Variants in CTNNA3 observed in about 807,000 individuals in gnomAD.
CTNNA3 encodes catenin alpha-3.
In CTNNA3, 76 loss-of-function variants were observed where a neutral mutation model predicts 95.7. The ratio of observed to expected loss-of-function variants is 0.79; its 90% confidence interval spans 0.66 to 0.96. CTNNA3 has a LOEUF of 0.96. Among genes scored for constraint, CTNNA3 ranks in the 40% least tolerant of loss-of-function variants. CTNNA3 has a pLI of 0.00. For missense variants in CTNNA3, 1,191 were observed against 1,089.8 expected (o/e 1.09, Z -1.31); for synonymous variants, 431 against 374.4 (o/e 1.15, Z -1.74).
At chr10:66,520,020 C>T (rs953941658) in intron 11 of CTNNA3, among the ~76,000 whole-genome samples, 3 of 151,766 alleles carry the variant, frequency 2.0e-5, no homozygotes, top group Non-Finnish European at 2.9e-5. Context: ...ACCTAAGATT[C>T]TAGGTATTAT....
chr10:67,222,645 GATAA>G (rs1295515061), intron 5 of CTNNA3, among the ~76,000 whole-genome samples: 2 of 152,116 alleles, frequency 1.3e-5, no homozygotes, highest in East Asian at 1.9e-4. Context: ...TAACTTAGAG[GATAA>G]ATAGTTTAAT....
chr10:67,331,568 TGACCTA>T (rs1841796487), intron 5 of CTNNA3, among the ~76,000 whole-genome samples: 1 of 152,168 alleles, frequency 6.6e-6, no homozygotes, highest in African/African-American at 2.4e-5. Flanking sequence ...TTTGGAACAG[TGACCTA>T]GAAGGCAGTT....
At chr10:66,155,786 G>A (rs184659351) in intron 13 of CTNNA3, among the ~76,000 whole-genome samples, 62 of 151,934 alleles carry the variant, frequency 4.1e-4, no homozygotes, top group Non-Finnish European at 8.8e-5. Context: ...CATATTCTTA[G>A]GGCAAATAAA....
chr10:66,051,466 T>A (rs949160326), intron 15 of CTNNA3, among the ~76,000 whole-genome samples: 1 of 152,194 alleles, frequency 6.6e-6, no homozygotes, highest in Non-Finnish European at 1.5e-5. Flanking sequence ...AATTTTAGTA[T>A]CTGCTTAAAC....
chr10:66,279,476 T>C (rs1161030899), intron 13 of CTNNA3, among the ~76,000 whole-genome samples: 1 of 152,110 alleles, frequency 6.6e-6, no homozygotes, highest in Non-Finnish European at 1.5e-5. Context: ...TGATTGGCCC[T>C]GAACATGAGG....
chr10:66,362,135 G>C (rs535791360), intron 12 of CTNNA3, among the ~76,000 whole-genome samples: 2 of 117,192 alleles, frequency 1.7e-5, no homozygotes, highest in African/African-American at 6.7e-5. Flanking sequence ...ACGGAGTCTT[G>C]CTCTGTCACC....
Position 67,488,672 on chromosome 10 carries a change from C to CTTT in CTNNA3, c.579+33167_579+33169dup, listed in dbSNP as rs565227051. On this transcript the variant is annotated intron_variant, in intron 5 of 17. Transcript: ENST00000433211. ...AGGTGTGAGCCAAAGTGCCCGGCCT[C>CTTT]TTTTTTTTTTTTTTTTGAGACAAAG... Among the ~76,000 whole-genome samples, 83 of 130,764 alleles carry CTTT rather than the reference C, an allele frequency of 6.3e-4. 2 individuals carry two copies. Among genetic ancestry groups the CTTT allele is most frequent in the African/African-American group, 2.1e-3 (70 of 33,012 alleles). The allele number at this position is 130,764 out of a possible 152,430, so 85.8% of individuals were successfully genotyped here. A position where few individuals can be genotyped will look rare whatever the true frequency, so the allele number is the denominator to read the frequency against.
chr10:66,128,531 G>GA (rs915451886), intron 13 of CTNNA3, among the ~76,000 whole-genome samples: 15 of 149,782 alleles, frequency 1.0e-4, no homozygotes, highest in South Asian at 2.1e-4. Context: ...ATTACCAAGT[G>GA]AAAAAAAAAG....
intron 15 of CTNNA3, among the ~76,000 whole-genome samples, chr10:66,016,307 GC>G (rs1430226114): frequency 1.3e-5 from 2 of 152,186 alleles, no homozygotes; most frequent in African/African-American, 2.4e-5. Flanking sequence ...CAGACTGGGA[GC>G]AAAACCCTTT....
chr10:66,729,508 G>A (rs1195394100), intron 9 of CTNNA3, among the ~76,000 whole-genome samples: 6 of 152,196 alleles, frequency 3.9e-5, no homozygotes, highest in African/African-American at 1.4e-4. Context: ...GGATGGAATT[G>A]GAGATCATTA....
intron 14 of CTNNA3, among the ~76,000 whole-genome samples, chr10:66,102,086 A>G (rs987170317): frequency 1.3e-5 from 2 of 152,158 alleles, no homozygotes; most frequent in Non-Finnish European, 2.9e-5. Context: ...GTCTACAAAA[A>G]CAGAGTATGC....
rs192084744 is a variant in CTNNA3 at position 66,991,407 on chromosome 10, A to G, written c.1047+188910T>C. On this transcript the variant is annotated intron_variant, in intron 7 of 17. Transcript: ENST00000433211. ...ACATAAATAGCCTACTCAGAAAATT[A>G]TATCAACACTAAATCACAGGTAACA... Among the ~76,000 whole-genome samples the G allele has an allele frequency of 3.7e-4, 57 of 152,332 alleles. No homozygotes were observed. In the East Asian group the frequency reaches 9.3e-3, roughly 25 times the overall value.
intron 9 of CTNNA3, among the ~76,000 whole-genome samples, chr10:66,662,285 T>G (rs1377067848): frequency 6.6e-6 from 1 of 152,168 alleles, no homozygotes; most frequent in East Asian, 1.9e-4. Context: ...CATACATTCT[T>G]GCAATGACAA....
intron 11 of CTNNA3, among the ~76,000 whole-genome samples, chr10:66,420,963 A>T (rs2093188506): frequency 6.6e-6 from 1 of 152,132 alleles, no homozygotes; most frequent in South Asian, 2.1e-4. Context: ...TCCTGCACTC[A>T]CATGTTTGTT....
chr10:67,248,868 G>C (rs867307744), intron 5 of CTNNA3, among the ~76,000 whole-genome samples: 43 of 152,300 alleles, frequency 2.8e-4, no homozygotes, highest in Middle Eastern at 3.4e-3. Flanking sequence ...GAATGCTAAG[G>C]ATGTGGGAGT....
At chr10:67,015,110 A>G (rs1006315230) in intron 7 of CTNNA3, among the ~76,000 whole-genome samples, 4 of 152,158 alleles carry the variant, frequency 2.6e-5, no homozygotes, top group Non-Finnish European at 5.9e-5. Flanking sequence ...ATTAGGTAGT[A>G]GCTATTAACC....
chr10:66,583,697 T>C (rs1475301800), intron 10 of CTNNA3, among the ~76,000 whole-genome samples: 4 of 151,794 alleles, frequency 2.6e-5, no homozygotes, highest in African/African-American at 4.8e-5. Context: ...CTCTGATCTT[T>C]ATTATTCCTT....
intron 9 of CTNNA3, among the ~76,000 whole-genome samples, chr10:66,747,316 A>T (rs918123432): frequency 5.9e-5 from 9 of 152,206 alleles, no homozygotes; most frequent in African/African-American, 2.2e-4. Flanking sequence ...AATAATAAAT[A>T]AATTTGAAAT....
intron 5 of CTNNA3, among the ~76,000 whole-genome samples, chr10:67,473,584 C>T (rs1847905797): frequency 6.6e-6 from 1 of 152,174 alleles, no homozygotes; most frequent in African/African-American, 2.4e-5. Context: ...CTTTGCATAA[C>T]TTAAGAGGCT....
Sources: allele counts gnomAD v4.1 joint callset (sites outside exome capture counted in the v4.1 genomes callset), GRCh38; gene constraint gnomAD v4.1.1; transcripts MANE v1.5; gene names NCBI Gene and HGNC (gene_info 2026-07-23, HGNC 2026-07-21).